Variants in KITLG observed in about 807,000 individuals in gnomAD.
The protein encoded by KITLG is c-Kit ligand.
In KITLG, 13 loss-of-function variants were observed where a neutral mutation model predicts 34.1. That is an observed-to-expected ratio of 0.38 (90% CI 0.25 to 0.61). The LOEUF is 0.61. Among genes scored for constraint, KITLG ranks in the 20% least tolerant of loss-of-function variants. The probability of loss-of-function intolerance (pLI) is 0.60; values close to 1 mark genes in which losing one functional copy is unlikely to be tolerated. For missense variants in KITLG, 292 were observed against 318.9 expected (o/e 0.92, Z 0.64); for synonymous variants, 110 against 104.0 (o/e 1.06, Z -0.35).
intron 6 of KITLG, among the ~76,000 whole-genome samples, chr12:88,514,257 T>C (rs1036228609): frequency 2.0e-5 from 3 of 151,614 alleles, no homozygotes; most frequent in Non-Finnish European, 4.4e-5. Context: ...ATTTTTCCAC[T>C]TCGAAAAGCT....
chr12:88,532,316 A>G, intron 3 of KITLG, 125 bp downstream of exon 3: 1 of 770,372 alleles, frequency 1.3e-6, no homozygotes, highest in South Asian at 1.6e-5. Flanking sequence ...AATTCCAAAG[A>G]TAAATTCTTC....
rs1034393280 is a variant in KITLG at position 88,516,399 on chromosome 12, T to C, written c.455A>G (p.Lys152Arg). ...RIFNRSIDAF[K>R]DFVVASETSD... ...AGTTTCAGATGCCACTACAAAGTCC[T>C]TGAAGGCATCAATGGATCTATTAAA... Residue 152 changes from lysine to arginine, a missense_variant, in exon 5 of 10, where the codon AAG (lysine) becomes AGG (arginine). By Grantham distance (26) the Lys-to-Arg change is conservative (BLOSUM62 2). Transcript: ENST00000644744. 1 of 1,610,866 alleles carries C rather than the reference T, an allele frequency of 6.2e-7. No homozygotes were observed. Among genetic ancestry groups the C allele is most frequent in the Non-Finnish European group, 8.5e-7 (1 of 1,177,564 alleles).
chr12:88,575,753 C>G (rs929063060), intron 1 of KITLG, among the ~76,000 whole-genome samples: 1 of 151,988 alleles, frequency 6.6e-6, no homozygotes, highest in South Asian at 2.1e-4. Context: ...GATTTATGTG[C>G]TAGAAAGAAA....
Position 88,494,672 on chromosome 12 carries a change from G to C in KITLG, c.*2547C>G, listed in dbSNP as rs1306365257. 1 of 152,300 alleles carries C rather than the reference G, an allele frequency of 6.6e-6. No individual in the cohort carries two copies. Among genetic ancestry groups the C allele is most frequent in the Non-Finnish European group, 1.5e-5 (1 of 67,896 alleles). The allele number at this position is 152,300 out of a possible 1,614,324, so 9.4% of individuals were successfully genotyped here. A position where few individuals can be genotyped will look rare whatever the true frequency, so the allele number is the denominator to read the frequency against. ...TAAAGCCATTTTCTAAATAGACCTGGTTTCTACCAAAGAGGTGCAAAGCTT... is the reference window on the plus strand; with the variant it reads ...TAAAGCCATTTTCTAAATAGACCTGCTTTCTACCAAAGAGGTGCAAAGCTT... On this transcript the variant is annotated 3_prime_UTR_variant, in exon 10 of 10. Transcript: ENST00000644744.
intron 4 of KITLG, among the ~76,000 whole-genome samples, chr12:88,516,803 T>TTTTTTTTTTTTTTTTTTTTTTTTG: frequency 7.1e-6 from 1 of 140,316 alleles, no homozygotes; most frequent in Non-Finnish European, 1.5e-5. Flanking sequence ...GGTTTATTTT[T>TTTTTTTTTTTTTTTTTTTTTTTTG]AAAAGACCCC....
chr12:88,525,823 C>T (rs556286520), intron 3 of KITLG, among the ~76,000 whole-genome samples: 1 of 152,250 alleles, frequency 6.6e-6, no homozygotes, highest in South Asian at 2.1e-4. Context: ...GCAAAACACT[C>T]AGCACAGAGT....
intron 1 of KITLG, among the ~76,000 whole-genome samples, chr12:88,577,162 G>A (rs954676066): frequency 7.9e-5 from 12 of 152,114 alleles, no homozygotes; most frequent in Non-Finnish European, 8.8e-5. Context: ...CTTTTCATAA[G>A]TATGTTAATT....
At chr12:88,529,048 T>C (rs1338757417) in intron 3 of KITLG, among the ~76,000 whole-genome samples, 2 of 152,204 alleles carry the variant, frequency 1.3e-5, no homozygotes, top group Non-Finnish European at 2.9e-5. Flanking sequence ...CTGATGAATA[T>C]TCCAGTTACT....
intron 3 of KITLG, among the ~76,000 whole-genome samples, chr12:88,520,032 A>G (rs1869600427): frequency 6.6e-6 from 1 of 152,230 alleles, no homozygotes; most frequent in Non-Finnish European, 1.5e-5. Flanking sequence ...TTATCTGCAG[A>G]TAGGTAAGCC....
rs940418574 is a variant in KITLG at position 88,494,830 on chromosome 12, G to C, written c.*2389C>G. 1.3e-5 allele frequency: 2 copies of C among 152,054 alleles called. No individual in the cohort carries two copies. The highest frequency in any genetic ancestry group is 6.6e-5 in the Admixed American group (1 of 15,236). The allele number at this position is 152,054 out of a possible 1,614,324, so 9.4% of individuals were successfully genotyped here. A position where few individuals can be genotyped will look rare whatever the true frequency, so the allele number is the denominator to read the frequency against. On this transcript the variant is annotated 3_prime_UTR_variant, in exon 10 of 10. Coordinates refer to ENST00000644744, the MANE Select transcript of KITLG (RefSeq NM_000899.5). Reference sequence around the variant, plus strand: ...TCATGGTTTACTATCTCAGCAGTGAGTTTTCCATGATTTATGAAGAAGGAT... The same window carrying C: ...TCATGGTTTACTATCTCAGCAGTGACTTTTCCATGATTTATGAAGAAGGAT...
intron 9 of KITLG, among the ~76,000 whole-genome samples, chr12:88,500,906 AG>A (rs1189390414): frequency 6.6e-6 from 1 of 152,114 alleles, no homozygotes; most frequent in East Asian, 1.9e-4. Flanking sequence ...CAGCCTCCTG[AG>A]TAGCTGAGAC....
At chr12:88,540,282 C>T (rs1221118631) in intron 2 of KITLG, among the ~76,000 whole-genome samples, 3 of 152,090 alleles carry the variant, frequency 2.0e-5, no homozygotes, top group Non-Finnish European at 4.4e-5. Flanking sequence ...AAATTATGAA[C>T]TGCATTACTG....
chr12:88,554,290 CT>C (rs1358686580), intron 1 of KITLG, among the ~76,000 whole-genome samples: 1 of 152,058 alleles, frequency 6.6e-6, no homozygotes, highest in African/African-American at 2.4e-5. Context: ...GAAAAAAAGC[CT>C]TTTTTTCTCT....
chr12:88,515,460 T>C, intron 6 of KITLG, 74 bp downstream of exon 6: 1 of 903,594 alleles, frequency 1.1e-6, no homozygotes, highest in South Asian at 1.3e-5. Context: ...AGAAGTTTCC[T>C]TGAAAGCCCA....
intron 1 of KITLG, among the ~76,000 whole-genome samples, chr12:88,549,050 T>C (rs561847313): frequency 6.6e-6 from 1 of 152,304 alleles, no homozygotes; most frequent in East Asian, 1.9e-4. Context: ...CGCAGACATC[T>C]GTGGGAAGAG....
intron 1 of KITLG, among the ~76,000 whole-genome samples, chr12:88,550,633 T>C (rs1396879967): frequency 6.6e-6 from 1 of 152,226 alleles, no homozygotes; most frequent in Non-Finnish European, 1.5e-5. Flanking sequence ...CAGGGAGGTT[T>C]GGTGACTTCT....
chr12:88,523,364 T>C (rs1869746780), intron 3 of KITLG, among the ~76,000 whole-genome samples: 2 of 152,330 alleles, frequency 1.3e-5, no homozygotes, highest in South Asian at 2.1e-4. Flanking sequence ...ACCAGGACTC[T>C]CGATCACTCA....
At chr12:88,566,760 C>T (rs375154232) in intron 1 of KITLG, among the ~76,000 whole-genome samples, 1 of 152,086 alleles carries the variant, frequency 6.6e-6, no homozygotes, top group Admixed American at 6.5e-5. Flanking sequence ...AATGTAAAGT[C>T]GGTAGAGGAT....
chr12:88,551,292 C>A (rs1453828811), intron 1 of KITLG, among the ~76,000 whole-genome samples: 1 of 152,146 alleles, frequency 6.6e-6, no homozygotes, highest in Non-Finnish European at 1.5e-5. Context: ...AGTAATGACA[C>A]CTCCTTCATC....
Sources: gnomAD v4.1 joint callset for allele counts (sites outside exome capture counted in the v4.1 genomes callset) on GRCh38, gnomAD v4.1.1 for gene constraint, MANE v1.5 for transcripts, NCBI Gene and HGNC (gene_info 2026-07-23, HGNC 2026-07-21) for gene names.